Variants in MID1 observed in about 807,000 individuals in gnomAD.
MID1 encodes the protein midline 1.
In MID1, 7 loss-of-function variants were observed where a neutral mutation model predicts 40.4. That is an observed-to-expected ratio of 0.17 (90% CI 0.10 to 0.33). MID1 has a LOEUF of 0.33. MID1 is among the 10% of genes least tolerant of loss of function. The pLI, the probability that MID1 is intolerant of heterozygous loss-of-function variation, is 1.00. For synonymous variants in MID1, 229 were observed against 221.2 expected, an observed-to-expected ratio of 1.04 and a Z score of -0.31; for missense variants, 367 against 558.5, an observed-to-expected ratio of 0.66 and a Z score of 3.46.
At chrX:10,470,881 G>A (rs758221373) in intron 6 of MID1, among the ~76,000 whole-genome samples, 4 of 112,181 alleles carry the variant, frequency 3.6e-5, no homozygotes, top group Non-Finnish European at 7.5e-5. Context: ...TAATATTTTA[G>A]AGGGAGGGGT....
At chrX:10,696,213 A>G (rs550383979) in intron 1 of MID1, among the ~76,000 whole-genome samples, 1 of 111,763 alleles carries the variant, frequency 8.9e-6, no homozygotes, top group South Asian at 3.9e-4. Context: ...ACCTTCGTCT[A>G]GGATCACTCG....
At chrX:10,671,310 T>C (rs2042986023) in intron 1 of MID1, among the ~76,000 whole-genome samples, 1 of 112,265 alleles carries the variant, frequency 8.9e-6, no homozygotes, top group African/African-American at 3.2e-5. Context: ...AACTGCCTTC[T>C]CTCTCCTTAC....
chrX:10,775,981 A>T (rs1379494896), intron 1 of MID1, among the ~76,000 whole-genome samples: 1 of 111,653 alleles, frequency 9.0e-6, no homozygotes, highest in Non-Finnish European at 1.9e-5. Flanking sequence ...AAGAGATTGA[A>T]TTCCTATAGG....
intron 1 of MID1, among the ~76,000 whole-genome samples, chrX:10,790,397 CT>C (rs1173765353): frequency 9.0e-6 from 1 of 110,745 alleles, no homozygotes; most frequent in East Asian, 2.9e-4. Flanking sequence ...CCACCCCTCT[CT>C]CCCCTGCTGT....
chrX:10,613,633 AG>A (rs1256656246), intron 1 of MID1, among the ~76,000 whole-genome samples: 2 of 98,860 alleles, frequency 2.0e-5, no homozygotes, highest in Non-Finnish European at 4.0e-5. Flanking sequence ...AATCAAACAG[AG>A]GATAAGCCAA....
chrX:10,586,392 G>A (rs775296833), intron 1 of MID1, among the ~76,000 whole-genome samples: 15 of 111,547 alleles, frequency 1.3e-4, no homozygotes, highest in Admixed American at 1.2e-3. Context: ...AAGGGTTGGC[G>A]AAGCTGCTCC....
chrX:10,557,091 T>C (rs1482072751), intron 2 of MID1, among the ~76,000 whole-genome samples: 1 of 111,901 alleles, frequency 8.9e-6, no homozygotes, highest in Non-Finnish European at 1.9e-5. Context: ...TCTTTTGCAG[T>C]GTCCCCGAGG....
At chrX:10,579,914 C>T (rs951673689) in intron 1 of MID1, among the ~76,000 whole-genome samples, 1 of 109,026 alleles carries the variant, frequency 9.2e-6, no homozygotes, top group African/African-American at 3.3e-5. Context: ...AGGACAACAG[C>T]GCTGACAAAT....
chrX:10,728,249 G>T (rs2043412018), intron 1 of MID1, among the ~76,000 whole-genome samples: 1 of 111,170 alleles, frequency 9.0e-6, no homozygotes, highest in Non-Finnish European at 1.9e-5. Context: ...TAGGCAGAAA[G>T]ATCTTCCTGA....
intron 1 of MID1, among the ~76,000 whole-genome samples, chrX:10,768,181 A>G (rs749205553): frequency 3.6e-5 from 4 of 111,270 alleles, no homozygotes; most frequent in African/African-American, 1.3e-4. Context: ...TATTATTAAT[A>G]TAAGCAGAAA....
intron 1 of MID1, among the ~76,000 whole-genome samples, chrX:10,608,740 G>A (rs1935671087): frequency 8.9e-6 from 1 of 111,976 alleles, no homozygotes; most frequent in African/African-American, 3.2e-5. Flanking sequence ...ATTCACAGTG[G>A]TAGAGTTGTT....
At position 10,587,094 on chromosome X, in the gene MID1, G is replaced by A. The variant is rs745594915; in HGVS notation, c.-56-19491C>T. Among the ~76,000 whole-genome samples, 10 of 112,581 alleles carry A rather than the reference G, an allele frequency of 8.9e-5. No individual in the cohort carries two copies. The South Asian group carries it at 2.6e-3, about 29-fold the overall frequency. On this transcript the variant is annotated intron_variant, in intron 1 of 9. Transcript: ENST00000317552. The stretch of plus-strand genomic sequence containing the variant: ...GTATTCCTCATGGGACTCCAATTGC[G>A]TCTAAATGGACATGAGAGTTGAAAG...
chrX:10,823,415 C>T (rs973822466), intron 1 of MID1, among the ~76,000 whole-genome samples: 3 of 111,204 alleles, frequency 2.7e-5, no homozygotes, highest in Non-Finnish European at 5.7e-5. Flanking sequence ...AGCAAACCAT[C>T]ACGGCACATG....
chrX:10,483,755 C>T (rs1190306256), intron 4 of MID1, among the ~76,000 whole-genome samples: 1 of 112,210 alleles, frequency 8.9e-6, no homozygotes. Flanking sequence ...GTCGTCATTA[C>T]CATCCCTGTA....
At chrX:10,730,564 CTTT>C (rs1188069622) in intron 1 of MID1, among the ~76,000 whole-genome samples, 5 of 78,138 alleles carry the variant, frequency 6.4e-5, no homozygotes, top group African/African-American at 1.7e-4. Context: ...TCAGATACAT[CTTT>C]TTTTTTTTTT....
chrX:10,684,213 T>C (rs2043078160), intron 1 of MID1, among the ~76,000 whole-genome samples: 1 of 111,243 alleles, frequency 9.0e-6, no homozygotes, highest in Non-Finnish European at 1.9e-5. Context: ...CACCCATAAC[T>C]AAAAAATGAA....
At chrX:10,717,568 G>A (rs2043314722) in intron 1 of MID1, among the ~76,000 whole-genome samples, 2 of 109,824 alleles carry the variant, frequency 1.8e-5, no homozygotes, top group Non-Finnish European at 3.8e-5. Context: ...GACCTACAAA[G>A]AGACTTAGAC....
chrX:10,716,105 C>G (rs1297386490), intron 1 of MID1, among the ~76,000 whole-genome samples: 1 of 111,521 alleles, frequency 9.0e-6, no homozygotes, highest in Non-Finnish European at 1.9e-5. Context: ...AAAAACAGAG[C>G]AGAAAAACTG....
intron 1 of MID1, among the ~76,000 whole-genome samples, chrX:10,728,323 G>T (rs1478580122): frequency 9.0e-6 from 1 of 111,389 alleles, no homozygotes; most frequent in Non-Finnish European, 1.9e-5. Flanking sequence ...CTGAAAGCAG[G>T]AGCTCATCTT....
Sources: allele counts gnomAD v4.1 joint callset (sites outside exome capture counted in the v4.1 genomes callset), GRCh38; gene constraint gnomAD v4.1.1; transcripts MANE v1.5; gene names NCBI Gene and HGNC (gene_info 2026-07-23, HGNC 2026-07-21).